Variants in AGMO observed in about 807,000 individuals in gnomAD.
The protein encoded by AGMO is alkylglycerol monooxygenase.
Under a neutral mutation model 60.2 loss-of-function variants are expected in AGMO, and 75 were observed. The observed-to-expected ratio is 1.25, with a 90% CI of 1.03 to 1.51. The LOEUF is 1.51. Ranked by LOEUF, AGMO falls within the 40% of genes most tolerant of loss-of-function variation. AGMO has a pLI of 0.00. For missense variants in AGMO, 763 were observed against 525.5 expected (o/e 1.45, Z -4.42); for synonymous variants, 261 against 177.1 (o/e 1.47, Z -3.76).
chr7:15,386,438 A>G (rs1301775983), intron 9 of AGMO, among the ~76,000 whole-genome samples: 1 of 152,166 alleles, frequency 6.6e-6, no homozygotes, highest in Non-Finnish European at 1.5e-5. Flanking sequence ...TGACAAAATG[A>G]AAAATAATAA....
At chr7:15,496,794 T>A (rs1783245286) in intron 3 of AGMO, among the ~76,000 whole-genome samples, 1 of 152,184 alleles carries the variant, frequency 6.6e-6, no homozygotes, top group African/African-American at 2.4e-5. Flanking sequence ...TTGAATGAAA[T>A]TAGCAAAGCG....
chr7:15,396,475 T>A (rs1784388489), intron 5 of AGMO: 1 of 152,246 alleles, frequency 6.6e-6, no homozygotes, highest in African/African-American at 2.4e-5. Flanking sequence ...TTACAGCTCA[T>A]AAACGTGGCA....
At chr7:15,354,681 G>A (rs558810691) in intron 12 of AGMO, among the ~76,000 whole-genome samples, 78 of 149,252 alleles carry the variant, frequency 5.2e-4, no homozygotes, top group Non-Finnish European at 9.4e-4. Flanking sequence ...TTTAAGTGGC[G>A]GGATACTCAA....
chr7:15,259,633 A>G (rs549572816), intron 12 of AGMO, among the ~76,000 whole-genome samples: 2 of 152,220 alleles, frequency 1.3e-5, no homozygotes, highest in East Asian at 3.9e-4. Context: ...AAGACAAAGG[A>G]AGGAATCTTA....
intron 12 of AGMO, among the ~76,000 whole-genome samples, chr7:15,295,272 C>G (rs1563073787): frequency 6.6e-6 from 1 of 151,776 alleles, no homozygotes; most frequent in Admixed American, 6.6e-5. Context: ...AAAAAGCCTA[C>G]AAAGAGAAAT....
At chr7:15,426,476 C>T (rs545400505) in intron 4 of AGMO, among the ~76,000 whole-genome samples, 3 of 151,976 alleles carry the variant, frequency 2.0e-5, no homozygotes, top group Non-Finnish European at 2.9e-5. Context: ...TCCCCAGGCG[C>T]GGTGGCTCAT....
intron 3 of AGMO, among the ~76,000 whole-genome samples, chr7:15,514,127 T>C (rs927525335): frequency 2.4e-4 from 37 of 152,302 alleles, no homozygotes; most frequent in African/African-American, 2.2e-4. Flanking sequence ...AACTTCCTCA[T>C]TGACATTTCC....
chr7:15,432,347 C>CATATATATATAT (rs753094283), intron 3 of AGMO, among the ~76,000 whole-genome samples: 1 of 110,886 alleles, frequency 9.0e-6, no homozygotes. Flanking sequence ...TATATATATA[C>CATATATATATAT]ATACATATAT....
intron 12 of AGMO, among the ~76,000 whole-genome samples, chr7:15,258,494 G>A (rs1054338232): frequency 1.3e-5 from 2 of 151,518 alleles, no homozygotes; most frequent in African/African-American, 2.4e-5. Flanking sequence ...GCAGTGAGCC[G>A]AGAATGCACC....
At chr7:15,330,584 G>C (rs1381908049) in intron 12 of AGMO, among the ~76,000 whole-genome samples, 1 of 152,014 alleles carries the variant, frequency 6.6e-6, no homozygotes, top group Non-Finnish European at 1.5e-5. Flanking sequence ...TCTGACCTTT[G>C]AGCGATTTGA....
At chr7:15,188,967 C>T in the AGMO span, among the ~76,000 whole-genome samples, 2 of 152,088 alleles carry the variant, frequency 1.3e-5, no homozygotes, top group East Asian at 3.8e-4. Flanking sequence ...TTACAGACAA[C>T]TTTTTGAATG....
chr7:15,493,367 T>C lies in AGMO; in HGVS notation c.409+51405A>G, dbSNP rs1442109012. On this transcript the variant is annotated intron_variant, in intron 3 of 12. Coordinates refer to ENST00000342526, the MANE Select transcript of AGMO (RefSeq NM_001004320.2). ...CACACACACACACACACACACTTCTTTTTTTTTTTTTTTTTTTTTTTTTTG... is the reference window on the plus strand; with the variant it reads ...CACACACACACACACACACACTTCTCTTTTTTTTTTTTTTTTTTTTTTTTG... 8.7e-4 allele frequency among the ~76,000 whole-genome samples: 10 copies of C among 11,474 alleles called. 1 individual carries two copies. The East Asian group carries it at 0.038, about 44-fold the overall frequency. 7.5% of individuals were successfully genotyped at this position (11,474 alleles called of 152,430 possible). A position where few individuals can be genotyped will look rare whatever the true frequency, so the allele number is the denominator to read the frequency against.
the AGMO span, among the ~76,000 whole-genome samples, chr7:15,140,296 A>T: frequency 1.3e-5 from 2 of 152,074 alleles, no homozygotes; most frequent in African/African-American, 4.8e-5. Context: ...TTGTTGGCAA[A>T]CAACTGTCAG....
chr7:15,147,076 A>T, the AGMO span, among the ~76,000 whole-genome samples: 1 of 152,156 alleles, frequency 6.6e-6, no homozygotes, highest in Non-Finnish European at 1.5e-5. Context: ...CTGAGGTCCC[A>T]GCTTCTCCCT....
intron 3 of AGMO, among the ~76,000 whole-genome samples, chr7:15,518,337 T>A (rs1783880030): frequency 6.6e-6 from 1 of 152,102 alleles, no homozygotes. Flanking sequence ...ACAGACTGTC[T>A]CCTCAAGTGG....
chr7:15,258,406 G>A (rs559125302), intron 12 of AGMO, among the ~76,000 whole-genome samples: 3 of 151,340 alleles, frequency 2.0e-5, no homozygotes, highest in African/African-American at 7.3e-5. Flanking sequence ...ATACTGATTC[G>A]TGGTGGCAGG....
At chr7:15,264,650 C>T (rs1443313230) in intron 12 of AGMO, among the ~76,000 whole-genome samples, 6 of 151,932 alleles carry the variant, frequency 3.9e-5, no homozygotes, top group Admixed American at 1.3e-4. Context: ...CAAAAGAAGG[C>T]ATACAAGCAT....
At chr7:15,506,942 G>GA (rs1302918720) in intron 3 of AGMO, among the ~76,000 whole-genome samples, 1 of 151,702 alleles carries the variant, frequency 6.6e-6, no homozygotes, top group Non-Finnish European at 1.5e-5. Context: ...AAATGAGCAA[G>GA]AAAAAAGAAT....
At chr7:15,411,367 G>GCA (rs200184219) in intron 5 of AGMO, among the ~76,000 whole-genome samples, 1,683 of 152,044 alleles carry the variant, frequency 0.011, 102 homozygotes, top group Admixed American at 0.094. Context: ...GGAAACTGAA[G>GCA]CACAAGAAGG....
Sources: allele counts gnomAD v4.1 joint callset (sites outside exome capture counted in the v4.1 genomes callset), GRCh38; gene constraint gnomAD v4.1.1; transcripts MANE v1.5; gene names NCBI Gene and HGNC (gene_info 2026-07-23, HGNC 2026-07-21).